Variants in CEPT1 observed in about 807,000 individuals in gnomAD.
CEPT1 encodes choline/ethanolaminephosphotransferase 1.
CEPT1 carries 7 observed loss-of-function variants against 42.6 expected under a neutral mutation model. That is an observed-to-expected ratio of 0.16 (90% CI 0.09 to 0.31). The LOEUF (loss-of-function observed/expected upper bound fraction) is 0.31. Ranked by LOEUF, CEPT1 falls within the 10% of genes least tolerant of loss-of-function variation. The pLI, the probability that CEPT1 is intolerant of heterozygous loss-of-function variation, is 1.00. For synonymous variants in CEPT1, 171 were observed against 171.9 expected (o/e 0.99, Z 0.04); for missense variants, 306 against 502.1 (o/e 0.61, Z 3.73).
At position 111,159,366 on chromosome 1, in the gene CEPT1, A is replaced by G; in HGVS notation, c.340-14A>G. On this transcript the variant is annotated splice_polypyrimidine_tract_variant and intron_variant, in intron 2 of 8. Coordinates refer to ENST00000357172, the MANE Select transcript of CEPT1 (RefSeq NM_006090.5). The stretch of plus-strand genomic sequence containing the variant: ...GTGTCTGAATACTCTTGCCTTTCTT[A>G]TTTTATTTCACAGGCACCTCTGTGG... The G allele has an allele frequency of 1.3e-6, 2 of 1,599,276 alleles. No individual in the cohort carries two copies. The highest frequency in any genetic ancestry group is 2.3e-5 in the East Asian group (1 of 44,336).
At position 111,167,228 on chromosome 1, in the gene CEPT1, G is replaced by A. The variant is rs1407738852; in HGVS notation, c.629+5932G>A. 7 of 985,016 alleles carry A rather than the reference G, an allele frequency of 7.1e-6. No homozygotes were observed. In the South Asian group the frequency reaches 1.9e-4, roughly 26 times the overall value. 61.0% of individuals were successfully genotyped at this position (985,016 alleles called of 1,614,324 possible). On this transcript the variant is annotated intron_variant, in intron 4 of 8. Transcript: ENST00000357172. ...ATATTCATGCTATCTGATGTACAAT[G>A]GTGTGAATTCAATAAAGACAGCACC...
In CEPT1 at chr1:111,168,620, C is replaced by T. The variant is rs113495538; in HGVS notation, c.630-6259C>T. ...TCTCCTGCCTCAGCCTCCCAAGTAG[C>T]TGTCACTACAGGCGCCCACCACCAT... On this transcript the variant is annotated intron_variant, in intron 4 of 8. Coordinates refer to ENST00000357172, the MANE Select transcript of CEPT1 (RefSeq NM_006090.5). Among the ~76,000 whole-genome samples the T allele has an allele frequency of 3.2e-3, 487 of 152,092 alleles. 4 individuals carry two copies. Among genetic ancestry groups the T allele is most frequent in the Middle Eastern group, 0.017 (5 of 294 alleles).
intron 5 of CEPT1, chr1:111,179,852 G>A (rs1656884294): frequency 6.6e-6 from 1 of 152,178 alleles, no homozygotes; most frequent in African/African-American, 2.4e-5. Context: ...GCTCTAGAGA[G>A]TGTACAAAAT....
At chr1:111,140,159 C>T (rs533504519), upstream of CEPT1, 1 of 152,396 alleles carries the variant, frequency 6.6e-6, no homozygotes, top group South Asian at 2.1e-4. Flanking sequence ...CTCACGGCAC[C>T]GAGGAGCGCG....
intron 5 of CEPT1, among the ~76,000 whole-genome samples, chr1:111,175,546 C>G (rs1432592037): frequency 6.6e-6 from 1 of 152,170 alleles, no homozygotes; most frequent in Non-Finnish European, 1.5e-5. Flanking sequence ...GCTCTGGAAC[C>G]AGACTGTGTG....
chr1:111,169,755 A>T (rs1476038644), intron 4 of CEPT1, among the ~76,000 whole-genome samples: 1 of 152,222 alleles, frequency 6.6e-6, no homozygotes, highest in Non-Finnish European at 1.5e-5. Flanking sequence ...TTTGTTTCTA[A>T]GTGAATTTGA....
chr1:111,173,937 C>T (rs1239864493), intron 4 of CEPT1, among the ~76,000 whole-genome samples: 1 of 152,072 alleles, frequency 6.6e-6, no homozygotes, highest in Non-Finnish European at 1.5e-5. Flanking sequence ...ATTTATATAA[C>T]TATTCCCTCT....
At chr1:111,143,097 AG>A (rs1326908934) in intron 1 of CEPT1, among the ~76,000 whole-genome samples, 2 of 152,274 alleles carry the variant, frequency 1.3e-5, no homozygotes, top group African/African-American at 4.8e-5. Flanking sequence ...TTTCTTTATA[AG>A]CACATCAGTT....
intron 2 of CEPT1, among the ~76,000 whole-genome samples, chr1:111,152,801 G>A (rs1357300763): frequency 1.3e-5 from 2 of 151,978 alleles, no homozygotes; most frequent in Non-Finnish European, 2.9e-5. Context: ...AACTCATATT[G>A]TACCTGCCCA....
At chr1:111,182,024 C>G in intron 5 of CEPT1, 163 bp from the exon 6 acceptor site, 1 of 467,718 alleles carries the variant, frequency 2.1e-6, no homozygotes, top group Non-Finnish European at 3.8e-6. Flanking sequence ...TTGAGACTTG[C>G]TATATTGCTT....
At chr1:111,154,219 A>C (rs1019455107) in intron 2 of CEPT1, among the ~76,000 whole-genome samples, 25 of 146,372 alleles carry the variant, frequency 1.7e-4, no homozygotes, top group Non-Finnish European at 3.5e-4. Context: ...ATTTTATTTT[A>C]TTTTATTTTA....
intron 4 of CEPT1, among the ~76,000 whole-genome samples, chr1:111,172,718 A>T (rs952696745): frequency 6.6e-6 from 1 of 152,178 alleles, no homozygotes. Flanking sequence ...TTAGAACCAC[A>T]CTTCCAGGAG....
intron 4 of CEPT1, among the ~76,000 whole-genome samples, chr1:111,174,538 C>T (rs1656580331): frequency 6.6e-6 from 1 of 151,648 alleles, no homozygotes. Flanking sequence ...CAATGTAATC[C>T]TCTGCTTGAT....
At chr1:111,149,683 G>A (rs759511031) in intron 2 of CEPT1, among the ~76,000 whole-genome samples, 36 of 152,058 alleles carry the variant, frequency 2.4e-4, no homozygotes, top group Non-Finnish European at 1.3e-4. Context: ...TTTCACTTGG[G>A]GCTTGTCTGA....
At chr1:111,145,521 T>C (rs1278525447) in intron 1 of CEPT1, among the ~76,000 whole-genome samples, 2 of 152,214 alleles carry the variant, frequency 1.3e-5, no homozygotes, top group African/African-American at 4.8e-5. Flanking sequence ...TATAGGGATA[T>C]AGGAAAAAAG....
rs113853025 is a variant in CEPT1 at position 111,174,113 on chromosome 1, TA to T, written c.630-764del. ...ATAATCTCAAAATTGTAGAAGGTGCTAAGTTTACAAGAGGAAAGGAAAAACA... is the reference window on the plus strand; with the variant it reads ...ATAATCTCAAAATTGTAGAAGGTGCTAGTTTACAAGAGGAAAGGAAAAACA... On this transcript the variant is annotated intron_variant, in intron 4 of 8. Transcript: ENST00000357172. 6.9e-3 allele frequency among the ~76,000 whole-genome samples: 1,050 copies of T among 152,294 alleles called. 14 individuals carry two copies. The highest frequency in any genetic ancestry group is 0.021 in the African/African-American group (878 of 41,568).
intron 2 of CEPT1, among the ~76,000 whole-genome samples, chr1:111,150,260 C>T (rs962392063): frequency 6.6e-6 from 1 of 152,144 alleles, no homozygotes; most frequent in Non-Finnish European, 1.5e-5. Context: ...TTCTAAGTCA[C>T]CCTCTTTAAA....
intron 4 of CEPT1, among the ~76,000 whole-genome samples, chr1:111,169,952 T>C (rs933629247): frequency 6.6e-6 from 1 of 152,170 alleles, no homozygotes; most frequent in Admixed American, 6.5e-5. Flanking sequence ...ATCTACAAAA[T>C]GGTGATATTT....
rs151182518 is a variant in CEPT1 at position 111,162,476 on chromosome 1, G to A, written c.629+1180G>A. 1.9e-3 allele frequency among the ~76,000 whole-genome samples: 297 copies of A among 152,312 alleles called. 1 individual carries two copies. The highest frequency in any genetic ancestry group is 6.9e-3 in the African/African-American group (287 of 41,562). On this transcript the variant is annotated intron_variant, in intron 4 of 8. Transcript: ENST00000357172. The stretch of plus-strand genomic sequence containing the variant: ...AGTTCCCTTCCTTGGGTGGCTGGAT[G>A]AAGGTAGAGAAAGGCACTACAGGAA...
Sources: allele counts gnomAD v4.1 joint callset (sites outside exome capture counted in the v4.1 genomes callset), GRCh38; gene constraint gnomAD v4.1.1; transcripts MANE v1.5; gene names NCBI Gene and HGNC (gene_info 2026-07-23, HGNC 2026-07-21).